The following ROR1 variants were observed in gnomAD, a reference collection of about 807,000 sequenced individuals.
ROR1 encodes the protein inactive tyrosine-protein kinase transmembrane receptor ROR1.
In ROR1, 19 loss-of-function variants were observed where a neutral mutation model predicts 78.8. That is an observed-to-expected ratio of 0.24 (90% CI 0.17 to 0.35). The LOEUF (loss-of-function observed/expected upper bound fraction) is 0.35. Ranked by LOEUF, ROR1 falls within the 10% of genes least tolerant of loss-of-function variation. ROR1 has a pLI of 1.00. For missense variants in ROR1, 917 were observed against 1,177.8 expected (o/e 0.78, Z 3.24); for synonymous variants, 386 against 433.6 (o/e 0.89, Z 1.36).
At chr1:64,087,691 A>G (rs2100639935) in intron 4 of ROR1, among the ~76,000 whole-genome samples, 1 of 152,350 alleles carries the variant, frequency 6.6e-6, no homozygotes, top group South Asian at 2.1e-4. Context: ...CTGGGCAAAA[A>G]GAAACAAAAA....
chr1:64,158,139 C>T (rs940611758), intron 7 of ROR1, among the ~76,000 whole-genome samples: 86 of 152,200 alleles, frequency 5.7e-4, no homozygotes, highest in Admixed American at 4.1e-3. Context: ...ACAAGTATGT[C>T]TCGTGTTCTA....
At chr1:64,118,814 G>A (rs886420959) in intron 4 of ROR1, among the ~76,000 whole-genome samples, 3 of 152,020 alleles carry the variant, frequency 2.0e-5, no homozygotes, top group East Asian at 1.9e-4. Flanking sequence ...TGCATATATA[G>A]CACTTTCTCC....
At chr1:63,921,534 A>T (rs1439471000) in intron 1 of ROR1, among the ~76,000 whole-genome samples, 4 of 152,126 alleles carry the variant, frequency 2.6e-5, no homozygotes, top group African/African-American at 9.7e-5. Context: ...TGTTGTCGCT[A>T]CCATGTGCAC....
At chr1:63,840,502 G>C (rs545765086) in intron 1 of ROR1, among the ~76,000 whole-genome samples, 142 of 152,036 alleles carry the variant, frequency 9.3e-4, no homozygotes, top group Admixed American at 2.0e-3. Flanking sequence ...GGCTGGTCTC[G>C]AACTCTTGAC....
In ROR1 at chr1:64,178,569, G is replaced by A. The variant is rs747196179; in HGVS notation, c.2528G>A (p.Arg843Lys). 7 of 1,614,138 alleles carry A rather than the reference G, an allele frequency of 4.3e-6. No homozygotes were observed. The highest frequency in any genetic ancestry group is 5.9e-6 in the Non-Finnish European group (7 of 1,180,040). ...CACTACCAGCCAACAGGTCCTCCCA[G>A]AGTGATTCAGCACTGCCCACCTCCC... ...AAHYQPTGPP[R>K]VIQHCPPPKS... Residue 843 changes from arginine (R) to lysine (K), a missense_variant, in exon 9 of 9, where the codon AGA becomes AAA. Around this residue, in one of 3 missense-constraint regions of ROR1, gnomAD observed 835 missense variants for 1,069.8 expected, o/e 0.78. Transcript: ENST00000371079. The surrounding 1 kb of genome is among the most constrained non-coding windows in gnomAD (Gnocchi z 4.3).
intron 4 of ROR1, among the ~76,000 whole-genome samples, chr1:64,122,411 C>A (rs1414618482): frequency 3.3e-5 from 5 of 152,148 alleles, no homozygotes; most frequent in Non-Finnish European, 7.4e-5. Flanking sequence ...CCTCTCAATC[C>A]AAATGTTCCT....
intron 1 of ROR1, chr1:63,788,622 T>TTA (rs141697301): frequency 0.011 from 1,739 of 152,700 alleles, 25 homozygotes; most frequent in African/African-American, 0.026. Context: ...ATATTATATG[T>TTA]TATATATATA....
At chr1:64,011,814 C>T (rs1269986924) in intron 2 of ROR1, among the ~76,000 whole-genome samples, 1 of 152,086 alleles carries the variant, frequency 6.6e-6, no homozygotes, top group Non-Finnish European at 1.5e-5. Flanking sequence ...TGATCAAAAC[C>T]TTATCGATTC....
chr1:64,056,024 A>G (rs529446501), intron 4 of ROR1, among the ~76,000 whole-genome samples: 2 of 152,150 alleles, frequency 1.3e-5, no homozygotes, highest in Non-Finnish European at 2.9e-5. Flanking sequence ...CATCCTTTTT[A>G]TGGCTGAATA....
chr1:64,116,875 A>T (rs1195030403), intron 4 of ROR1, among the ~76,000 whole-genome samples: 1 of 152,140 alleles, frequency 6.6e-6, no homozygotes, highest in East Asian at 1.9e-4. Context: ...TTACACTTAG[A>T]TTCCATGGTA....
intron 1 of ROR1, among the ~76,000 whole-genome samples, chr1:63,990,526 T>G (rs1000748808): frequency 1.3e-5 from 2 of 152,174 alleles, no homozygotes; most frequent in Non-Finnish European, 2.9e-5. Flanking sequence ...TCTAAATGTC[T>G]TTTCTTTATG....
Position 63,774,542 on chromosome 1 carries a change from A to AC in ROR1, c.91+39dup, listed in dbSNP as rs1173330361. On this transcript the variant is annotated intron_variant, in intron 1 of 8. Transcript: ENST00000371079. This position sits in a 1 kb window ranked among gnomAD's most constrained non-coding sequence, Gnocchi z 5.7. ...CGCCCGCCGGCCCCCGCCCGCCCAG[A>AC]CCCCCTGACCCGTGGCCACCCTTCC... 2.9e-5 allele frequency: 27 copies of AC among 946,940 alleles called. No individual in the cohort carries two copies. In the South Asian group the frequency reaches 1.1e-3, roughly 40 times the overall value. The allele number at this position is 946,940 out of a possible 1,614,324, so 58.7% of individuals were successfully genotyped here.
chr1:63,983,810 G>A (rs773377037), intron 1 of ROR1, among the ~76,000 whole-genome samples: 2 of 152,120 alleles, frequency 1.3e-5, no homozygotes, highest in Non-Finnish European at 2.9e-5. Context: ...TGTCATCAAT[G>A]AGCTGAATGA....
At chr1:63,816,746 G>A (rs1022933880) in intron 1 of ROR1, among the ~76,000 whole-genome samples, 2 of 152,186 alleles carry the variant, frequency 1.3e-5, no homozygotes, top group Non-Finnish European at 2.9e-5. Context: ...TACCAACCTT[G>A]TGAAGCCTCC....
At chr1:64,070,122 T>C (rs1646991351) in intron 4 of ROR1, among the ~76,000 whole-genome samples, 1 of 152,178 alleles carries the variant, frequency 6.6e-6, no homozygotes, top group Admixed American at 6.5e-5. Context: ...CAAATGACAA[T>C]TCATATAAAT....
chr1:63,853,054 T>C (rs1425511773), intron 1 of ROR1, among the ~76,000 whole-genome samples: 1 of 152,188 alleles, frequency 6.6e-6, no homozygotes, highest in East Asian at 1.9e-4. Flanking sequence ...TCATTATCAG[T>C]ACCTGGCATA....
At chr1:63,832,692 A>T (rs1209906130) in intron 1 of ROR1, among the ~76,000 whole-genome samples, 1 of 152,272 alleles carries the variant, frequency 6.6e-6, no homozygotes, top group Non-Finnish European at 1.5e-5. Context: ...GAAAACACAC[A>T]CATTTTTTCA....
intron 4 of ROR1, among the ~76,000 whole-genome samples, chr1:64,098,756 C>T (rs1412398821): frequency 6.6e-6 from 1 of 152,170 alleles, no homozygotes; most frequent in Non-Finnish European, 1.5e-5. Flanking sequence ...GACTGTGGGG[C>T]AGAATCAGCT....
At chr1:63,954,491 C>T (rs1305425234) in intron 1 of ROR1, among the ~76,000 whole-genome samples, 1 of 152,118 alleles carries the variant, frequency 6.6e-6, no homozygotes, top group Non-Finnish European at 1.5e-5. Context: ...CAATCTCTGC[C>T]ATAAGCAGTG....
Sources: allele counts gnomAD v4.1 joint callset (sites outside exome capture counted in the v4.1 genomes callset), GRCh38; gene constraint gnomAD v4.1.1; regional missense constraint gnomAD v4.1.1; non-coding constraint Gnocchi (gnomAD v3.1); transcripts MANE v1.5; gene names NCBI Gene and HGNC (gene_info 2026-07-23, HGNC 2026-07-21).